CCSER1: variants seen among roughly 807,000 people sequenced by gnomAD.
CCSER1 encodes coiled-coil serine rich protein 1.
Under a neutral mutation model 82.0 loss-of-function variants are expected in CCSER1, and 41 were observed. The ratio of observed to expected loss-of-function variants is 0.50; its 90% CI spans 0.39 to 0.65. CCSER1 has a LOEUF of 0.65. Among genes scored for constraint, CCSER1 ranks in the 30% least tolerant of loss-of-function variants. The pLI is 0.00. For missense variants in CCSER1, 1,119 were observed against 1,064.2 expected (o/e 1.05, Z -0.72); for synonymous variants, 414 against 383.9 (o/e 1.08, Z -0.92).
chr4:90,422,114 T>G (rs575061682), intron 4 of CCSER1, among the ~76,000 whole-genome samples: 8 of 152,336 alleles, frequency 5.3e-5, no homozygotes, highest in Non-Finnish European at 1.2e-4. Context: ...AGTCAGTTTT[T>G]TCCTCTTGAA....
intron 10 of CCSER1, among the ~76,000 whole-genome samples, chr4:91,161,309 T>C (rs996225042): frequency 2.6e-5 from 4 of 152,186 alleles, no homozygotes; most frequent in African/African-American, 7.2e-5. Context: ...ACTGTAGCCT[T>C]GTAGTATAGT....
intron 3 of CCSER1, among the ~76,000 whole-genome samples, chr4:90,317,603 C>T (rs530428410): frequency 1.3e-5 from 2 of 152,108 alleles, no homozygotes; most frequent in Non-Finnish European, 2.9e-5. Flanking sequence ...GCTTGAACAA[C>T]AAAGTGAAAC....
intron 10 of CCSER1, among the ~76,000 whole-genome samples, chr4:91,428,907 C>A (rs1231778537): frequency 6.6e-6 from 1 of 151,992 alleles, no homozygotes; most frequent in Non-Finnish European, 1.5e-5. Flanking sequence ...CAATCAACAT[C>A]TTCCTGTTTA....
chr4:90,491,569 G>A lies in CCSER1; in HGVS notation c.1724+23215G>A, dbSNP rs955546683. 5.3e-5 allele frequency among the ~76,000 whole-genome samples: 8 copies of A among 152,262 alleles called. No homozygotes were observed. In the South Asian group the frequency reaches 1.5e-3, roughly 28 times the overall value. ...CAACACTATGTTGAATAGGAGTGGT[G>A]AGAGAGGGCATCCCTGTCTTGTGCC... On this transcript the variant is annotated intron_variant, in intron 5 of 10. Transcript: ENST00000509176.
At position 90,895,601 on chromosome 4, in the gene CCSER1, A is replaced by C. The variant is rs1723589665; in HGVS notation, c.2095-27769A>C. On this transcript the variant is annotated intron_variant, in intron 8 of 10. Coordinates refer to ENST00000509176, the MANE Select transcript of CCSER1 (RefSeq NM_001145065.2). ...GATTCACAATGAAGTAAAATGTATA[A>C]AATCATTTACATTTTAAATACCAAG... 2.6e-5 allele frequency among the ~76,000 whole-genome samples: 4 copies of C among 152,084 alleles called. No homozygotes were observed. The South Asian group carries it at 8.3e-4, about 31-fold the overall frequency.
At chr4:90,405,702 A>G (rs1380624495) in intron 4 of CCSER1, among the ~76,000 whole-genome samples, 1 of 152,188 alleles carries the variant, frequency 6.6e-6, no homozygotes, top group African/African-American at 2.4e-5. Context: ...ATTGGGTTCT[A>G]TTTTTAGCCT....
chr4:91,303,614 C>T (rs996053061), intron 10 of CCSER1, among the ~76,000 whole-genome samples: 4 of 151,656 alleles, frequency 2.6e-5, no homozygotes, highest in African/African-American at 9.7e-5. Flanking sequence ...AGCAAGACCC[C>T]ATCTCTACAA....
chr4:90,128,620 T>G (rs1722265814), intron 1 of CCSER1, among the ~76,000 whole-genome samples: 1 of 152,084 alleles, frequency 6.6e-6, no homozygotes, highest in Non-Finnish European at 1.5e-5. Flanking sequence ...CTTCGACTTT[T>G]GGCTTGTGTC....
At chr4:90,550,919 A>T (rs1052543950) in intron 5 of CCSER1, among the ~76,000 whole-genome samples, 2 of 152,166 alleles carry the variant, frequency 1.3e-5, no homozygotes, top group Non-Finnish European at 2.9e-5. Context: ...TTATCTGAAT[A>T]TGAAATTCAT....
chr4:90,471,597 G>C (rs1403987254), intron 5 of CCSER1, among the ~76,000 whole-genome samples: 2 of 151,642 alleles, frequency 1.3e-5, no homozygotes, highest in Admixed American at 6.6e-5. Flanking sequence ...TTGTTAAATA[G>C]CCACATCAAC....
intron 10 of CCSER1, among the ~76,000 whole-genome samples, chr4:91,308,170 T>C (rs1000060524): frequency 3.3e-5 from 5 of 151,864 alleles, no homozygotes; most frequent in Admixed American, 2.6e-4. Context: ...AGAGATTTTA[T>C]ACCACTGCAC....
intron 1 of CCSER1, among the ~76,000 whole-genome samples, chr4:90,237,835 A>G (rs1215041079): frequency 6.6e-6 from 1 of 152,222 alleles, no homozygotes; most frequent in African/African-American, 2.4e-5. Flanking sequence ...AATAAGATGT[A>G]TTCTAGGTTT....
intron 3 of CCSER1, among the ~76,000 whole-genome samples, chr4:90,344,928 T>C (rs1279371158): frequency 6.6e-6 from 1 of 152,128 alleles, no homozygotes; most frequent in Non-Finnish European, 1.5e-5. Context: ...TATAAAATAT[T>C]GAATGCATAT....
At chr4:90,701,043 C>T (rs1215510352) in intron 6 of CCSER1, among the ~76,000 whole-genome samples, 1 of 152,126 alleles carries the variant, frequency 6.6e-6, no homozygotes. Context: ...GTGTTTTAGA[C>T]ATGAAGTCCT....
intron 10 of CCSER1, among the ~76,000 whole-genome samples, chr4:91,297,801 A>G (rs1744330048): frequency 6.6e-6 from 1 of 152,014 alleles, no homozygotes; most frequent in African/African-American, 2.4e-5. Context: ...TGTATAAAGG[A>G]AAAACCATTT....
chr4:90,475,844 G>A (rs1021829862), intron 5 of CCSER1, among the ~76,000 whole-genome samples: 1 of 152,128 alleles, frequency 6.6e-6, no homozygotes, highest in Non-Finnish European at 1.5e-5. Flanking sequence ...AGTCTCTAAA[G>A]CCAATTAAAT....
At chr4:91,479,858 C>T (rs1374455820) in intron 10 of CCSER1, among the ~76,000 whole-genome samples, 240 of 144,416 alleles carry the variant, frequency 1.7e-3, no homozygotes, top group African/African-American at 6.0e-3. Context: ...CGTCATCTAG[C>T]ATTAGGTATA....
At chr4:90,757,870 G>A (rs547242094) in intron 7 of CCSER1, among the ~76,000 whole-genome samples, 2 of 151,912 alleles carry the variant, frequency 1.3e-5, no homozygotes, top group South Asian at 2.1e-4. Flanking sequence ...AAAATGTAAA[G>A]TAGGCAAAGC....
At chr4:90,627,880 A>C in intron 5 of CCSER1, 145 bp from the exon 6 acceptor site, 2 of 646,782 alleles carry the variant, frequency 3.1e-6, no homozygotes, top group South Asian at 4.0e-5. Flanking sequence ...CATCTCAAAA[A>C]ATAAATAAAT....
Sources: allele counts gnomAD v4.1 joint callset (sites outside exome capture counted in the v4.1 genomes callset), GRCh38; gene constraint gnomAD v4.1.1; transcripts MANE v1.5; gene names NCBI Gene and HGNC (gene_info 2026-07-23, HGNC 2026-07-21).